FAT3: variants seen among roughly 807,000 people sequenced by gnomAD.
FAT3 encodes the protein protocadherin Fat 3.
Under a neutral mutation model 310.2 loss-of-function variants are expected in FAT3, and 95 were observed. The ratio of observed to expected loss-of-function variants is 0.31; its 90% CI spans 0.26 to 0.36. FAT3 has a LOEUF of 0.36. FAT3 is among the 10% of genes least tolerant of loss of function. The probability of loss-of-function intolerance (pLI) is 1.00; values close to 1 mark genes in which losing one functional copy is unlikely to be tolerated. For synonymous variants in FAT3, 2,314 were observed against 2,192.9 expected, an observed-to-expected ratio of 1.06 and a Z score of -1.54; for missense variants, 5,408 against 5,715.6, an observed-to-expected ratio of 0.95 and a Z score of 1.74.
In FAT3 at chr11:92,524,714, G is replaced by A. The variant is rs527758094; in HGVS notation, c.3373G>A (p.Val1125Ile). 7 of 1,613,804 alleles carry A rather than the reference G, an allele frequency of 4.3e-6. No individual in the cohort carries two copies. The highest frequency in any genetic ancestry group is 3.3e-5 in the South Asian group (3 of 91,054). The change falls in exon 3 of 28, where the codon GTT becomes ATT. Residue 1125 changes from valine to isoleucine, a missense_variant. By Grantham distance (29) the Val-to-Ile change is conservative. Coordinates refer to ENST00000525166, the MANE Select transcript of FAT3 (RefSeq NM_001367949.2). ...AACAGTGTATGCCACAGACAGGGGCGTTGTTCCACTCTACTCCACCATTGA... is the reference window on the plus strand; with the variant it reads ...AACAGTGTATGCCACAGACAGGGGCATTGTTCCACTCTACTCCACCATTGA... Reference protein sequence around the residue: ...WLTVYATDRGVVPLYSTIEVY... With the variant: ...WLTVYATDRGIVPLYSTIEVY...
chr11:92,281,072 A>G (rs1045605246), intron 1 of FAT3, among the ~76,000 whole-genome samples: 3 of 152,172 alleles, frequency 2.0e-5, no homozygotes, highest in Non-Finnish European at 4.4e-5. Flanking sequence ...GCAGTAAGGG[A>G]TTGATTTAAT....
At chr11:92,315,367 C>G (rs918979027) in intron 1 of FAT3, among the ~76,000 whole-genome samples, 1 of 150,414 alleles carries the variant, frequency 6.6e-6, no homozygotes, top group African/African-American at 2.4e-5. Flanking sequence ...TTTTTGAGGA[C>G]ATGATGCAAA....
intron 3 of FAT3, among the ~76,000 whole-genome samples, chr11:92,613,748 T>G (rs1940677912): frequency 6.6e-6 from 1 of 152,164 alleles, no homozygotes; most frequent in African/African-American, 2.4e-5. Context: ...AAATAAGTGA[T>G]AGAGGATGTG....
intron 4 of FAT3, among the ~76,000 whole-genome samples, chr11:92,747,444 C>A (rs898249250): frequency 6.6e-6 from 1 of 152,316 alleles, no homozygotes; most frequent in East Asian, 1.9e-4. Flanking sequence ...CCCACAAAAC[C>A]ATTTTTTCCT....
chr11:92,319,057 G>A (rs1947540515), intron 1 of FAT3, among the ~76,000 whole-genome samples: 1 of 152,154 alleles, frequency 6.6e-6, no homozygotes, highest in Non-Finnish European at 1.5e-5. Flanking sequence ...TTATATGCAT[G>A]CACTCATACA....
At position 92,352,358 on chromosome 11, in the gene FAT3, A is replaced by G. The variant is rs2134631080; in HGVS notation, c.246A>G (p.Arg82=). The part of the protein sequence containing the change: ...LIDLSWDIKY[R]IVSGDEEGFF... ...ATCTATCCTGGGATATCAAATACAGAATAGTGTCCGGAGACGAGGAAGGCT... is the reference window on the plus strand; with the variant it reads ...ATCTATCCTGGGATATCAAATACAGGATAGTGTCCGGAGACGAGGAAGGCT... Residue 82 remains arginine (R), a synonymous_variant, in exon 2 of 28, where the codon AGA becomes AGG. Coordinates refer to ENST00000525166, the MANE Select transcript of FAT3 (RefSeq NM_001367949.2). 1.3e-6 allele frequency: 2 copies of G among 1,598,668 alleles called. No homozygotes were observed. The highest frequency in any genetic ancestry group is 1.7e-4 in the Middle Eastern group (1 of 5,962).
At chr11:92,682,820 G>A (rs1943520017) in intron 3 of FAT3, among the ~76,000 whole-genome samples, 1 of 152,142 alleles carries the variant, frequency 6.6e-6, no homozygotes, top group South Asian at 2.1e-4. Flanking sequence ...GCTCAGTCCT[G>A]TAATCCTAGC....
chr11:92,259,291 C>A (rs1341225410), intron 1 of FAT3, among the ~76,000 whole-genome samples: 1 of 151,986 alleles, frequency 6.6e-6, no homozygotes, highest in African/African-American at 2.4e-5. Context: ...TCTCCTGCTG[C>A]ATAAGATTTA....
At chr11:92,888,670 G>A (rs187115778) in intron 25 of FAT3, among the ~76,000 whole-genome samples, 1 of 152,302 alleles carries the variant, frequency 6.6e-6, no homozygotes, top group African/African-American at 2.4e-5. Flanking sequence ...ACTGGTGGGA[G>A]CTAGGCCTTG....
At chr11:92,734,137 G>C (rs1169123931) in intron 4 of FAT3, among the ~76,000 whole-genome samples, 1 of 152,122 alleles carries the variant, frequency 6.6e-6, no homozygotes, top group Non-Finnish European at 1.5e-5. Flanking sequence ...GTACATTACT[G>C]GTTTAATTGT....
At chr11:92,547,692 T>G (rs1446329517) in intron 3 of FAT3, among the ~76,000 whole-genome samples, 1 of 152,138 alleles carries the variant, frequency 6.6e-6, no homozygotes, top group Non-Finnish European at 1.5e-5. Flanking sequence ...GCCCACACTC[T>G]GCTCTGTCCC....
chr11:92,345,354 T>A (rs1948385676), intron 1 of FAT3, among the ~76,000 whole-genome samples: 1 of 152,112 alleles, frequency 6.6e-6, no homozygotes, highest in Admixed American at 6.6e-5. Context: ...AAGATACACA[T>A]AAGTAACTAA....
At chr11:92,269,367 G>A (rs1392184109) in intron 1 of FAT3, among the ~76,000 whole-genome samples, 1 of 152,068 alleles carries the variant, frequency 6.6e-6, no homozygotes, top group Admixed American at 6.6e-5. Context: ...AGTATGTAGT[G>A]GGTCAGGTAG....
At chr11:92,346,471 G>A (rs768808597) in intron 1 of FAT3, among the ~76,000 whole-genome samples, 1 of 152,094 alleles carries the variant, frequency 6.6e-6, no homozygotes, top group Non-Finnish European at 1.5e-5. Flanking sequence ...TCTGACCCCT[G>A]GCACAAGTTT....
intron 1 of FAT3, among the ~76,000 whole-genome samples, chr11:92,276,624 G>A (rs1042462128): frequency 3.9e-5 from 6 of 152,068 alleles, no homozygotes; most frequent in African/African-American, 7.2e-5. Context: ...CTGCATCTTC[G>A]GTCTGGGTGC....
At chr11:92,613,728 T>C (rs2135634859) in intron 3 of FAT3, among the ~76,000 whole-genome samples, 1 of 152,294 alleles carries the variant, frequency 6.6e-6, no homozygotes, top group East Asian at 1.9e-4. Context: ...TCATTGGTGT[T>C]TTGGGAGTAA....
intron 1 of FAT3, chr11:92,336,078 T>A: frequency 1.9e-6 from 1 of 513,628 alleles, no homozygotes; most frequent in Non-Finnish European, 3.9e-6. Context: ...GTTGAAGCAG[T>A]TGGATTCCAT....
intron 3 of FAT3, among the ~76,000 whole-genome samples, chr11:92,534,705 G>C (rs1954194220): frequency 6.6e-6 from 1 of 152,150 alleles, no homozygotes; most frequent in Non-Finnish European, 1.5e-5. Context: ...CACAGACCCA[G>C]AAGGAAGACA....
intron 1 of FAT3, among the ~76,000 whole-genome samples, chr11:92,263,439 G>C (rs987996146): frequency 1.3e-5 from 2 of 151,850 alleles, no homozygotes; most frequent in Non-Finnish European, 2.9e-5. Flanking sequence ...CAATGCTATG[G>C]GAGCAATATC....
Sources: gnomAD v4.1 joint callset for allele counts (sites outside exome capture counted in the v4.1 genomes callset) on GRCh38, gnomAD v4.1.1 for gene constraint, MANE v1.5 for transcripts, NCBI Gene and HGNC (gene_info 2026-07-23, HGNC 2026-07-21) for gene names.